The following CCNT2 variants were observed in gnomAD, a reference collection of about 807,000 sequenced individuals.
The protein encoded by CCNT2 is cyclin-T2.
In CCNT2, 18 loss-of-function variants were observed where a neutral mutation model predicts 70.0. The observed-to-expected ratio is 0.26, with a 90% confidence interval of 0.18 to 0.38. The LOEUF is 0.38. CCNT2 is among the 10% of genes least tolerant of loss of function. CCNT2 has a pLI of 1.00. For missense variants in CCNT2, 734 were observed against 890.2 expected (o/e 0.82, Z 2.23); for synonymous variants, 334 against 313.3 (o/e 1.07, Z -0.70).
Position 134,956,358 on chromosome 2 carries a change from C to T in CCNT2, c.*1710C>T, listed in dbSNP as rs1312060974. ...TATTTGAACTTGGGGTACTTAGGAGCCTCTTTGTAGGGACTGTGCCTAGGT... is the reference window on the plus strand; with the variant it reads ...TATTTGAACTTGGGGTACTTAGGAGTCTCTTTGTAGGGACTGTGCCTAGGT... On this transcript the variant is annotated 3_prime_UTR_variant, in exon 9 of 9. Transcript: ENST00000264157. 1 of 152,444 alleles carries T rather than the reference C, an allele frequency of 6.6e-6. No individual in the cohort carries two copies. Among genetic ancestry groups the T allele is most frequent in the African/African-American group, 2.4e-5 (1 of 41,398 alleles). 9.4% of individuals were successfully genotyped at this position (152,444 alleles called of 1,614,324 possible).
chr2:134,938,614 TAAGCCAGGTTTGGGTTA>T (rs1426869513), intron 3 of CCNT2, among the ~76,000 whole-genome samples: 2 of 152,220 alleles, frequency 1.3e-5, no homozygotes, highest in Non-Finnish European at 2.9e-5. Flanking sequence ...AGTGAGTTTG[TAAGCCAGGTTTGGGTTA>T]AAGGCAGGTT....
chr2:134,935,941 G>A (rs1681113623), intron 2 of CCNT2, among the ~76,000 whole-genome samples: 1 of 152,044 alleles, frequency 6.6e-6, no homozygotes, highest in Non-Finnish European at 1.5e-5. Context: ...AGATAATTAA[G>A]TAACAGTTTT....
chr2:134,925,723 C>T (rs1027472905), intron 2 of CCNT2, among the ~76,000 whole-genome samples: 2 of 152,188 alleles, frequency 1.3e-5, no homozygotes, highest in South Asian at 2.1e-4. Flanking sequence ...ATGAATAGTG[C>T]TCTTAAGAAC....
chr2:134,955,688 T>G lies in CCNT2; in HGVS notation c.*1040T>G, dbSNP rs533625087. 6.5e-6 allele frequency: 1 copy of G among 152,796 alleles called. No individual in the cohort carries two copies. The highest frequency in any genetic ancestry group is 1.9e-4 in the East Asian group (1 of 5,190). 9.5% of individuals were successfully genotyped at this position (152,796 alleles called of 1,614,324 possible). On this transcript the variant is annotated 3_prime_UTR_variant, in exon 9 of 9. Coordinates refer to ENST00000264157, the MANE Select transcript of CCNT2 (RefSeq NM_058241.3). Reference sequence around the variant, plus strand: ...AGCATTCAGAATGACACCATATTCTTAAATATACTCCTTCCCTGAAGCGTG... The same window carrying G: ...AGCATTCAGAATGACACCATATTCTGAAATATACTCCTTCCCTGAAGCGTG...
intron 2 of CCNT2, among the ~76,000 whole-genome samples, chr2:134,935,075 T>C (rs1573810926): frequency 6.6e-6 from 1 of 152,326 alleles, no homozygotes; most frequent in East Asian, 1.9e-4. Context: ...ATTCAACAAA[T>C]TGAACAACAG....
intron 5 of CCNT2, chr2:134,945,768 C>CT (rs57267734): frequency 4.4e-4 from 527 of 1,210,538 alleles, no homozygotes; most frequent in Admixed American, 6.6e-4. Context: ...TCTTCTTCTT[C>CT]TTTTTTTTTT....
rs755960162 is a variant in CCNT2 at position 134,953,898 on chromosome 2, C to T, written c.1443C>T (p.Pro481=). The T allele has an allele frequency of 4.3e-6, 7 of 1,613,592 alleles. No homozygotes were observed. The East Asian group carries it at 1.6e-4, about 36-fold the overall frequency. The part of the protein sequence containing the change: ...QAASSSSVTS[P]IKMKIPIANT... ...CCAGCAGCAGTTCTGTTACTTCTCCCATTAAAATGAAAATACCTATCGCAA... is the reference window on the plus strand; with the variant it reads ...CCAGCAGCAGTTCTGTTACTTCTCCTATTAAAATGAAAATACCTATCGCAA... The change falls in exon 9 of 9, where the codon CCC becomes CCT. Residue 481 remains proline, a synonymous_variant. Coordinates refer to ENST00000264157, the MANE Select transcript of CCNT2 (RefSeq NM_058241.3).
rs149104621 is a variant in CCNT2 at position 134,953,919 on chromosome 2, C to T, written c.1464C>T (p.Ile488=). The T allele has an allele frequency of 2.8e-5, 45 of 1,613,680 alleles. No individual in the cohort carries two copies. The African/African-American group carries it at 5.2e-4, about 19-fold the overall frequency. Residue 488 remains isoleucine (I), a synonymous_variant, in exon 9 of 9, where the codon ATC becomes ATT. Coordinates refer to ENST00000264157, the MANE Select transcript of CCNT2 (RefSeq NM_058241.3). ...VTSPIKMKIP[I]ANTEKYMADK... is the part of the protein sequence containing the mutation. ...CTCCCATTAAAATGAAAATACCTATCGCAAATACTGAAAAATACATGGCAG... is the reference window on the plus strand; with the variant it reads ...CTCCCATTAAAATGAAAATACCTATTGCAAATACTGAAAAATACATGGCAG...
intron 2 of CCNT2, among the ~76,000 whole-genome samples, chr2:134,921,353 A>T (rs201270646): frequency 2.0e-5 from 3 of 150,360 alleles, no homozygotes; most frequent in Non-Finnish European, 4.4e-5. Context: ...TTATTTATTA[A>T]TTTTTTTTTT....
chr2:134,935,982 A>G (rs1451973209), intron 2 of CCNT2, among the ~76,000 whole-genome samples: 2 of 151,990 alleles, frequency 1.3e-5, no homozygotes, highest in Non-Finnish European at 2.9e-5. Context: ...TTTGCCCTCT[A>G]GGTGGTTTTT....
chr2:134,936,943 G>C lies in CCNT2; in HGVS notation c.343G>C (p.Glu115Gln), dbSNP rs1309901327. 1 of 1,610,176 alleles carries C rather than the reference G, an allele frequency of 6.2e-7. No homozygotes were observed. The highest frequency in any genetic ancestry group is 1.7e-5 in the Admixed American group (1 of 59,926). Residue 115 changes from glutamate to glutamine, a missense_variant, in exon 3 of 9, where the codon GAG becomes CAG. By Grantham distance (29) the Glu-to-Gln change is conservative. Around this residue, in one of 3 missense-constraint regions of CCNT2, gnomAD observed 161 missense variants for 303.8 expected, o/e 0.53. Transcript: ENST00000264157. ...AGCACATGCTTGTCTTCATCCTCTA[G>C]AGCCACTGCTGGATACTAAATGTGA... is the stretch of plus-strand genomic sequence containing the variant. ...KVAHACLHPLEPLLDTKCDAY... is the reference protein window; with the variant it reads ...KVAHACLHPLQPLLDTKCDAY...
intron 2 of CCNT2, among the ~76,000 whole-genome samples, chr2:134,929,609 A>G (rs941307715): frequency 9.2e-5 from 5 of 54,592 alleles, no homozygotes; most frequent in African/African-American, 5.1e-4. Context: ...CCCTGTCTCA[A>G]AAACAGAGAG....
At chr2:134,944,906 T>C (rs2105068632) in intron 5 of CCNT2, 1 of 985,286 alleles carries the variant, frequency 1.0e-6, no homozygotes, top group Admixed American at 6.1e-5. Flanking sequence ...TTTCCTTCTC[T>C]ACGTATTTTT....
chr2:134,925,700 CT>C (rs2105018287), intron 2 of CCNT2, among the ~76,000 whole-genome samples: 1 of 152,138 alleles, frequency 6.6e-6, no homozygotes, highest in South Asian at 2.1e-4. Flanking sequence ...TTGTTAGCCA[CT>C]TTTTGGCTAA....
In CCNT2 at chr2:134,928,274, CTTT is replaced by C. The variant is rs551173090; in HGVS notation, c.240+8400_240+8402del. On this transcript the variant is annotated intron_variant, in intron 2 of 8. Transcript: ENST00000264157. ...CCATGCCCGGCCTCACATTGTATTT[CTTT>C]TTTTTTTTTTTTTTTTCTGAGACGG... Among the ~76,000 whole-genome samples, 82 of 96,388 alleles carry C rather than the reference CTTT, an allele frequency of 8.5e-4. 1 individual carries two copies. Among genetic ancestry groups the C allele is most frequent in the South Asian group, 1.1e-3 (3 of 2,716 alleles). 63.2% of individuals were successfully genotyped at this position (96,388 alleles called of 152,430 possible). A position where few individuals can be genotyped will look rare whatever the true frequency, so the allele number is the denominator to read the frequency against.
At chr2:134,938,598 T>G (rs1036398112) in intron 3 of CCNT2, among the ~76,000 whole-genome samples, 17 of 152,220 alleles carry the variant, frequency 1.1e-4, no homozygotes, top group Admixed American at 1.1e-3. Flanking sequence ...ACATGAAATG[T>G]CCTAGAGTGA....
In CCNT2 at chr2:134,918,979, A is replaced by G. The variant is rs1679614591; in HGVS notation, c.125A>G (p.Asn42Ser). The G allele has an allele frequency of 1.2e-6, 2 of 1,613,480 alleles. No individual in the cohort carries two copies. The highest frequency in any genetic ancestry group is 1.7e-6 in the Non-Finnish European group (2 of 1,179,876). ...KELSCRQQAANLIQEMGQRLN... is the reference protein window; with the variant it reads ...KELSCRQQAASLIQEMGQRLN... ...CTCTCGTGCCGCCAGCAGGCGGCCA[A>G]CCTCATCCAGGAGATGGGACAGCGT... The change falls in exon 1 of 9, where the codon AAC (asparagine) becomes AGC (serine). Residue 42 changes from asparagine to serine, a missense_variant. Transcript: ENST00000264157.
In CCNT2 at chr2:134,919,031, C is replaced by T. The variant is rs1331966807; in HGVS notation, c.158+19C>T. 1.3e-6 allele frequency: 2 copies of T among 1,581,654 alleles called. No individual in the cohort carries two copies. The highest frequency in any genetic ancestry group is 1.7e-6 in the Non-Finnish European group (2 of 1,162,280). On this transcript the variant is annotated intron_variant, in intron 1 of 8. Transcript: ENST00000264157. ...TCAATGTGTATCCTTTTCTGTTCGC[C>T]GCCGCTCACGCCCTGTTTCCCTTGC...
At chr2:134,922,882 A>G (rs1035749943) in intron 2 of CCNT2, among the ~76,000 whole-genome samples, 4 of 152,282 alleles carry the variant, frequency 2.6e-5, no homozygotes, top group East Asian at 1.9e-4. Flanking sequence ...GTCTGTTCTC[A>G]TAGCACATCT....
Sources: gnomAD v4.1 joint callset for allele counts (sites outside exome capture counted in the v4.1 genomes callset) on GRCh38, gnomAD v4.1.1 for gene constraint, gnomAD v4.1.1 regional missense constraint, MANE v1.5 for transcripts, NCBI Gene and HGNC (gene_info 2026-07-23, HGNC 2026-07-21) for gene names.